The following ITGB1 variants were observed in gnomAD, a reference collection of about 807,000 sequenced individuals.
ITGB1 encodes integrin subunit beta 1.
ITGB1 carries 24 observed loss-of-function variants against 86.5 expected under a neutral mutation model. The ratio of observed to expected loss-of-function variants is 0.28; its 90% CI spans 0.20 to 0.39. The LOEUF is 0.39. ITGB1 is among the 10% of genes least tolerant of loss of function. The pLI is 1.00. For missense variants in ITGB1, 556 were observed against 946.9 expected (o/e 0.59, Z 5.42); for synonymous variants, 323 against 316.8 (o/e 1.02, Z -0.21).
chr10:32,941,146 G>T lies in ITGB1; in HGVS notation c.1-5588C>A, dbSNP rs367710565. On this transcript the variant is annotated intron_variant, in intron 1 of 15. Coordinates refer to ENST00000302278, the MANE Select transcript of ITGB1 (RefSeq NM_002211.4). Reference sequence around the variant, plus strand: ...AGATGGGTGTGGAGAAAAGTGGAGAGAAGATATTCCAAGCAAAAGGCCTGC... The same window carrying T: ...AGATGGGTGTGGAGAAAAGTGGAGATAAGATATTCCAAGCAAAAGGCCTGC... Among the ~76,000 whole-genome samples the T allele has an allele frequency of 1.7e-4, 26 of 152,274 alleles. No homozygotes were observed. The East Asian group carries it at 3.9e-3, about 23-fold the overall frequency.
intron 1 of ITGB1, 123 bp downstream of exon 1, chr10:32,958,022 C>T (rs1393648229): frequency 2.6e-5 from 4 of 151,688 alleles, no homozygotes; most frequent in Non-Finnish European, 5.9e-5. Context: ...CGCCCCCGCC[C>T]CCACCCCCAC....
rs749985371 is a variant in ITGB1 at position 32,912,119 on chromosome 10, T to C, written c.1475A>G (p.Asn492Ser). The change falls in exon 12 of 16, where the codon AAT becomes AGT. Residue 492 changes from asparagine (N) to serine (S), a missense_variant. Physicochemically the swap from Asn to Ser is conservative, Grantham distance 46 (BLOSUM62 1). Transcript: ENST00000302278. Reference protein sequence around the residue: ...GTFECGACRCNEGRVGRHCEC... With the variant: ...GTFECGACRCSEGRVGRHCEC... The stretch of plus-strand genomic sequence containing the variant: ...ACAATGTCTACCAACACGCCCTTCA[T>C]TGCACCTGAAGAAACATGCCAAAAT... 7.5e-6 allele frequency: 12 copies of C among 1,609,958 alleles called. No homozygotes were observed. Among genetic ancestry groups the C allele is most frequent in the Non-Finnish European group, 8.5e-6 (10 of 1,177,498 alleles).
At position 32,900,604 on chromosome 10, in the gene ITGB1, C is replaced by T. The variant is rs536708906; in HGVS notation, c.*966G>A. On this transcript the variant is annotated 3_prime_UTR_variant, in exon 16 of 16. Transcript: ENST00000302278. ...GTAGGTGAGAGCTGTTGCATAGCCA[C>T]AGTATAACTTCACATGTTCATTAAA... 23 of 147,048 alleles carry T rather than the reference C, an allele frequency of 1.6e-4. No individual in the cohort carries two copies. Among genetic ancestry groups the T allele is most frequent in the African/African-American group, 5.8e-4 (23 of 39,492 alleles). The allele number at this position is 147,048 out of a possible 1,614,324, so 9.1% of individuals were successfully genotyped here. A position where few individuals can be genotyped will look rare whatever the true frequency, so the allele number is the denominator to read the frequency against.
chr10:32,958,045 G>C (rs1249508259), intron 1 of ITGB1, 100 bp downstream of exon 1: 2 of 142,800 alleles, frequency 1.4e-5, no homozygotes, highest in African/African-American at 5.1e-5. Flanking sequence ...CCGGCACAAA[G>C]GTCCCGGCGC....
chr10:32,906,194 C>A (rs1037752914), intron 15 of ITGB1, among the ~76,000 whole-genome samples: 3 of 152,128 alleles, frequency 2.0e-5, no homozygotes, highest in Admixed American at 6.5e-5. Context: ...GCATACCATA[C>A]AAATATCATA....
chr10:32,935,678 C>T (rs1046332011), intron 1 of ITGB1, 120 bp from the exon 2 acceptor site: 7 of 702,258 alleles, frequency 1.0e-5, no homozygotes, highest in Non-Finnish European at 1.2e-5. Context: ...GCTCTCAAAC[C>T]ATTTCACTCC....
chr10:32,913,733 A>C (rs1385114518), intron 11 of ITGB1, among the ~76,000 whole-genome samples: 1 of 152,228 alleles, frequency 6.6e-6, no homozygotes, highest in East Asian at 1.9e-4. Context: ...CCAAGTTGGA[A>C]AACATTTTTC....
intron 11 of ITGB1, among the ~76,000 whole-genome samples, chr10:32,912,666 G>A (rs1593857168): frequency 6.6e-6 from 1 of 152,206 alleles, no homozygotes; most frequent in East Asian, 1.9e-4. Flanking sequence ...GCAAAAAAAA[G>A]CTAAAACTGG....
intron 1 of ITGB1, among the ~76,000 whole-genome samples, chr10:32,939,394 A>T (rs192437476): frequency 6.6e-6 from 1 of 152,334 alleles, no homozygotes; most frequent in East Asian, 1.9e-4. Flanking sequence ...TTTAACAAAG[A>T]AAGAGCTCTG....
chr10:32,957,820 C>G (rs900803963), intron 1 of ITGB1: 1 of 152,206 alleles, frequency 6.6e-6, no homozygotes, highest in Non-Finnish European at 1.5e-5. Flanking sequence ...CCCGGTCCCC[C>G]GCAGCTCCGG....
chr10:32,913,856 CAT>C (rs2094922304), intron 11 of ITGB1, among the ~76,000 whole-genome samples: 2 of 151,234 alleles, frequency 1.3e-5, no homozygotes, highest in South Asian at 4.2e-4. Context: ...CTCCAAGACA[CAT>C]GATTGTCAGA....
At chr10:32,902,015 T>C (rs2094883198) in intron 15 of ITGB1, among the ~76,000 whole-genome samples, 1 of 152,198 alleles carries the variant, frequency 6.6e-6, no homozygotes, top group Non-Finnish European at 1.5e-5. Context: ...GCCTGATTCT[T>C]ATCCCTTTAT....
intron 13 of ITGB1, 80 bp downstream of exon 13, chr10:32,911,368 G>C (rs781578208): frequency 3.3e-4 from 395 of 1,208,230 alleles, no homozygotes; most frequent in Non-Finnish European, 4.5e-4. Flanking sequence ...TATTGGCACT[G>C]TTCTGGTTCT....
At chr10:32,903,906 A>G (rs2094889291) in intron 15 of ITGB1, among the ~76,000 whole-genome samples, 1 of 152,118 alleles carries the variant, frequency 6.6e-6, no homozygotes, top group Admixed American at 6.6e-5. Flanking sequence ...ATTCCTTCAA[A>G]TATGTTGGGA....
intron 1 of ITGB1, among the ~76,000 whole-genome samples, chr10:32,937,534 G>A (rs909611060): frequency 4.2e-5 from 5 of 119,022 alleles, no homozygotes; most frequent in Non-Finnish European, 6.4e-5. Context: ...CTAGCCTGGC[G>A]AAAGAGCGAG....
intron 1 of ITGB1, among the ~76,000 whole-genome samples, chr10:32,940,579 A>G (rs1005035880): frequency 6.6e-6 from 1 of 152,208 alleles, no homozygotes; most frequent in Non-Finnish European, 1.5e-5. Flanking sequence ...TTATGGGACC[A>G]CTGTCGTGTA....
At chr10:32,923,998 T>C (rs2094957620) in intron 6 of ITGB1, among the ~76,000 whole-genome samples, 1 of 152,174 alleles carries the variant, frequency 6.6e-6, no homozygotes, top group African/African-American at 2.4e-5. Flanking sequence ...AACTGTTTTT[T>C]TGTTTTGTTT....
intron 15 of ITGB1, among the ~76,000 whole-genome samples, chr10:32,904,858 A>T (rs2094891793): frequency 6.6e-6 from 1 of 152,182 alleles, no homozygotes; most frequent in Non-Finnish European, 1.5e-5. Context: ...AGCCATATAT[A>T]CATTATAAAC....
chr10:32,922,535 G>A lies in ITGB1; in HGVS notation c.1038+105C>T, dbSNP rs983991472. 6 of 789,656 alleles carry A rather than the reference G, an allele frequency of 7.6e-6. No homozygotes were observed. In the East Asian group the frequency reaches 8.3e-5, roughly 11 times the overall value. The allele number at this position is 789,656 out of a possible 1,614,324, so 48.9% of individuals were successfully genotyped here. On this transcript the variant is annotated intron_variant, in intron 8 of 15. Coordinates refer to ENST00000302278, the MANE Select transcript of ITGB1 (RefSeq NM_002211.4). Reference sequence around the variant, plus strand: ...AATATAAACCACTTTTGTAAAATTCGGTTTGCCTATCTGGTGGCATTTTCC... The same window carrying A: ...AATATAAACCACTTTTGTAAAATTCAGTTTGCCTATCTGGTGGCATTTTCC...
Sources: gnomAD v4.1 joint callset for allele counts (sites outside exome capture counted in the v4.1 genomes callset) on GRCh38, gnomAD v4.1.1 for gene constraint, MANE v1.5 for transcripts, NCBI Gene and HGNC (gene_info 2026-07-23, HGNC 2026-07-21) for gene names.